The following SDK1 variants were observed in gnomAD, a reference collection of about 807,000 sequenced individuals.
SDK1 encodes sidekick cell adhesion molecule 1, also known as protein sidekick-1.
Under a neutral mutation model 245.5 loss-of-function variants are expected in SDK1, and 157 were observed. The observed-to-expected ratio is 0.64, with a 90% CI of 0.56 to 0.73. SDK1 has a LOEUF of 0.73. Ranked by LOEUF, SDK1 falls within the 30% of genes least tolerant of loss-of-function variation. The pLI is 0.00. For missense variants in SDK1, 3,583 were observed against 3,002.3 expected, an observed-to-expected ratio of 1.19 and a Z score of -4.52; for synonymous variants, 1,647 against 1,278.5, an observed-to-expected ratio of 1.29 and a Z score of -6.15.
chr7:4,255,336 C>T (rs1383589560), intron 44 of SDK1, among the ~76,000 whole-genome samples: 2 of 152,218 alleles, frequency 1.3e-5, no homozygotes, highest in African/African-American at 4.8e-5. Context: ...GAATAACTCT[C>T]CACTCTGCGC....
rs189698385 is a variant in SDK1 at position 3,350,414 on chromosome 7, C to T, written c.298+48530C>T. On this transcript the variant is annotated intron_variant, in intron 1 of 44. Transcript: ENST00000404826. ...TTGTTGTGATTCCAAATTTACTCAG[C>T]ACATAACTGATTATTATCTGCTCCC... Among the ~76,000 whole-genome samples, 3 of 152,242 alleles carry T rather than the reference C, an allele frequency of 2.0e-5. No individual in the cohort carries two copies. The East Asian group carries it at 5.8e-4, about 29-fold the overall frequency.
chr7:4,215,169 A>C (rs1379050386), intron 38 of SDK1, among the ~76,000 whole-genome samples: 1 of 152,218 alleles, frequency 6.6e-6, no homozygotes, highest in African/African-American at 2.4e-5. Context: ...ACATACGTCA[A>C]AAGAAGAACG....
At position 4,095,272 on chromosome 7, in the gene SDK1, T is replaced by C. The variant is rs75523536; in HGVS notation, c.3325-15391T>C. On this transcript the variant is annotated intron_variant, in intron 22 of 44. Coordinates refer to ENST00000404826, the MANE Select transcript of SDK1 (RefSeq NM_152744.4). ...TCTGAGCTCTTCCTCAGCTCCCCCATATCTGAGGTCTTCCTCAGCTCCCCC... is the reference window on the plus strand; with the variant it reads ...TCTGAGCTCTTCCTCAGCTCCCCCACATCTGAGGTCTTCCTCAGCTCCCCC... Among the ~76,000 whole-genome samples the C allele has an allele frequency of 2.7e-3, 135 of 50,608 alleles. 2 individuals are homozygous for C. The highest frequency in any genetic ancestry group is 5.5e-3 in the African/African-American group (32 of 5,780). 33.2% of individuals were successfully genotyped at this position (50,608 alleles called of 152,430 possible). A position where few individuals can be genotyped will look rare whatever the true frequency, so the allele number is the denominator to read the frequency against.
intron 22 of SDK1, among the ~76,000 whole-genome samples, chr7:4,095,942 T>C (rs1206833856): frequency 6.6e-6 from 1 of 152,200 alleles, no homozygotes; most frequent in Non-Finnish European, 1.5e-5. Context: ...AGATTTTTCT[T>C]TATTTCCATG....
At chr7:3,573,164 C>G (rs16870887) in intron 1 of SDK1, among the ~76,000 whole-genome samples, 6,858 of 152,130 alleles carry the variant, frequency 0.045, 297 homozygotes, top group African/African-American at 0.098. Context: ...GGGTGCTTAT[C>G]TGATGAAATA....
chr7:3,317,664 G>GTTTTTAGGTT (rs1779697552), intron 1 of SDK1, among the ~76,000 whole-genome samples: 1 of 152,154 alleles, frequency 6.6e-6, no homozygotes, highest in Non-Finnish European at 1.5e-5. Flanking sequence ...CATGTTCACA[G>GTTTTTAGGTT]GAGCTGGTTT....
intron 1 of SDK1, among the ~76,000 whole-genome samples, chr7:3,601,784 G>A (rs952309336): frequency 2.0e-5 from 3 of 150,464 alleles, no homozygotes; most frequent in African/African-American, 4.9e-5. Context: ...CCATTAACTC[G>A]TCATTTAGCA....
chr7:3,617,635 A>G (rs886896168), intron 1 of SDK1, among the ~76,000 whole-genome samples: 1 of 152,224 alleles, frequency 6.6e-6, no homozygotes, highest in East Asian at 1.9e-4. Flanking sequence ...CCTTTGTGCT[A>G]TATCATCCTG....
intron 5 of SDK1, among the ~76,000 whole-genome samples, chr7:3,828,322 T>A (rs1168263514): frequency 6.6e-6 from 1 of 151,970 alleles, no homozygotes; most frequent in Non-Finnish European, 1.5e-5. Flanking sequence ...TATATGACTT[T>A]TGGCATATAA....
At chr7:3,556,750 C>A (rs186277912) in intron 1 of SDK1, among the ~76,000 whole-genome samples, 2 of 151,994 alleles carry the variant, frequency 1.3e-5, no homozygotes, top group Non-Finnish European at 2.9e-5. Context: ...GCCAAGATCA[C>A]GCCACTGCAC....
chr7:4,067,554 T>C (rs1401527734), intron 19 of SDK1, among the ~76,000 whole-genome samples: 3 of 152,222 alleles, frequency 2.0e-5, no homozygotes, highest in Non-Finnish European at 2.9e-5. Flanking sequence ...CTAATCAGAT[T>C]AGATCAAGGA....
At chr7:3,967,208 A>T in intron 9 of SDK1, 110 bp from the exon 10 acceptor site, 1 of 805,818 alleles carries the variant, frequency 1.2e-6, no homozygotes. Context: ...TTGTATTGCT[A>T]CAGTTACCTC....
At chr7:4,250,783 A>G (rs1181885729) in intron 44 of SDK1, among the ~76,000 whole-genome samples, 2 of 152,252 alleles carry the variant, frequency 1.3e-5, no homozygotes, top group Non-Finnish European at 2.9e-5. Context: ...TTTTTAAAAA[A>G]TGCTTTATTG....
At chr7:3,575,222 C>T (rs1032864420) in intron 1 of SDK1, among the ~76,000 whole-genome samples, 3 of 152,050 alleles carry the variant, frequency 2.0e-5, no homozygotes, top group Admixed American at 6.5e-5. Context: ...TGGCTGCCTT[C>T]TTTCTGTGTC....
intron 36 of SDK1, 24 bp from the exon 37 acceptor site, chr7:4,208,075 C>T: frequency 6.3e-7 from 1 of 1,592,596 alleles, no homozygotes; most frequent in Non-Finnish European, 8.6e-7. Context: ...AGGACCCACC[C>T]CAACCTCTTG....
chr7:3,543,568 G>T lies in SDK1; in HGVS notation c.299-75512G>T, dbSNP rs183098336. 6.6e-5 allele frequency among the ~76,000 whole-genome samples: 10 copies of T among 152,336 alleles called. No homozygotes were observed. The East Asian group carries it at 1.5e-3, about 24-fold the overall frequency. On this transcript the variant is annotated intron_variant, in intron 1 of 44. Coordinates refer to ENST00000404826, the MANE Select transcript of SDK1 (RefSeq NM_152744.4). ...AAGGATGACACATAGCCACATAAAG[G>T]CAGGTCTGGAAACTCGCAAGATGTC...
chr7:3,436,709 G>C (rs1459756515), intron 1 of SDK1, among the ~76,000 whole-genome samples: 2 of 152,060 alleles, frequency 1.3e-5, no homozygotes, highest in African/African-American at 4.8e-5. Flanking sequence ...AACCTTAAAA[G>C]AAGTAATTGC....
intron 32 of SDK1, among the ~76,000 whole-genome samples, chr7:4,170,954 G>A (rs1393014379): frequency 6.6e-6 from 1 of 152,174 alleles, no homozygotes; most frequent in Non-Finnish European, 1.5e-5. Flanking sequence ...AAAATCAGCA[G>A]GCACTGTAGC....
intron 4 of SDK1, among the ~76,000 whole-genome samples, chr7:3,658,852 A>C (rs1783269630): frequency 6.6e-6 from 1 of 152,078 alleles, no homozygotes; most frequent in Non-Finnish European, 1.5e-5. Flanking sequence ...TCTTGACCTC[A>C]GGTGATCCGC....
Sources: gnomAD v4.1 joint callset for allele counts (sites outside exome capture counted in the v4.1 genomes callset) on GRCh38, gnomAD v4.1.1 for gene constraint, MANE v1.5 for transcripts, NCBI Gene and HGNC (gene_info 2026-07-23, HGNC 2026-07-21) for gene names.